KDM8: variants seen among roughly 807,000 people sequenced by gnomAD.
KDM8 encodes lysine demethylase 8.
A neutral mutation model predicts 46.9 loss-of-function variants in KDM8; 35 were observed. The ratio of observed to expected loss-of-function variants is 0.75; its 90% confidence interval spans 0.57 to 0.99. KDM8 has a LOEUF of 0.99. Among genes scored for constraint, KDM8 ranks in the 50% least tolerant of loss-of-function variants. The probability of loss-of-function intolerance (pLI) is 0.00; values close to 1 mark genes in which losing one functional copy is unlikely to be tolerated. For missense variants in KDM8, 475 were observed against 537.0 expected (o/e 0.88, Z 1.14); for synonymous variants, 232 against 227.7 (o/e 1.02, Z -0.17).
Position 27,220,461 on chromosome 16 carries a change from G to C in KDM8, c.1062G>C (p.Thr354=). 1.2e-6 allele frequency: 2 copies of C among 1,614,112 alleles called. No individual in the cohort carries two copies. Among genetic ancestry groups the C allele is most frequent in the South Asian group, 1.1e-5 (1 of 91,074 alleles). Residue 354 remains threonine, a synonymous_variant, in exon 7 of 8, where the codon ACG becomes ACC. Transcript: ENST00000286096. ...QESGALYPHD[T]HLLHNTSQVD... Reference sequence around the variant, plus strand: ...CAGGGGCTCTGTACCCTCATGACACGCACCTTCTCCATAACACGAGCCAGG... The same window carrying C: ...CAGGGGCTCTGTACCCTCATGACACCCACCTTCTCCATAACACGAGCCAGG...
intron 2 of KDM8, chr16:27,211,296 G>C (rs1005411520): frequency 1.6e-5 from 7 of 426,616 alleles, no homozygotes; most frequent in Non-Finnish European, 3.3e-5. Flanking sequence ...CCCAGGCGAG[G>C]CGATACCTCC....
chr16:27,214,027 T>C, intron 3 of KDM8: 1 of 317,426 alleles, frequency 3.2e-6, no homozygotes, highest in Non-Finnish European at 5.8e-6. Context: ...TGTTATGCAA[T>C]TTTACAGGAT....
In KDM8 at chr16:27,220,493, C is replaced by T; in HGVS notation, c.1086+8C>T. On this transcript the variant is annotated splice_region_variant and intron_variant, in intron 7 of 7. Coordinates refer to ENST00000286096, the MANE Select transcript of KDM8 (RefSeq NM_024773.3). Reference sequence around the variant, plus strand: ...CTCCATAACACGAGCCAGGTGGGCACTGGGGGTCTGGGGTGACGTTGCAGG... The same window carrying T: ...CTCCATAACACGAGCCAGGTGGGCATTGGGGGTCTGGGGTGACGTTGCAGG... 3 of 1,614,016 alleles carry T rather than the reference C, an allele frequency of 1.9e-6. No homozygotes were observed. The highest frequency in any genetic ancestry group is 2.5e-6 in the Non-Finnish European group (3 of 1,179,882).
intron 1 of KDM8, chr16:27,204,119 G>C: frequency 6.5e-7 from 1 of 1,546,214 alleles, no homozygotes. Context: ...GCAGCCCCGG[G>C]GAAGGCGCTG....
At chr16:27,204,114 C>T in intron 1 of KDM8, 2 of 1,546,522 alleles carry the variant, frequency 1.3e-6, no homozygotes, top group Non-Finnish European at 1.7e-6. Context: ...GAAATGCAGC[C>T]CCGGGGAAGG....
intron 4 of KDM8, 74 bp downstream of exon 4, chr16:27,215,082 C>T (rs1423104084): frequency 1.9e-6 from 3 of 1,553,092 alleles, no homozygotes; most frequent in African/African-American, 2.7e-5. Context: ...AATAACCCCC[C>T]ATGTGTTGTA....
In KDM8 at chr16:27,221,070, G is replaced by C. The variant is rs2083619609; in HGVS notation, c.*340G>C. Reference sequence around the variant, plus strand: ...GGTCACACAGGCAGGGGTGAAACATGGGCTCTGAGGTTGGCTACCTGATTC... The same window carrying C: ...GGTCACACAGGCAGGGGTGAAACATCGGCTCTGAGGTTGGCTACCTGATTC... On this transcript the variant is annotated 3_prime_UTR_variant, in exon 8 of 8. Transcript: ENST00000286096. The C allele has an allele frequency of 1.0e-5, 4 of 382,080 alleles. No homozygotes were observed. The highest frequency in any genetic ancestry group is 8.5e-5 in the South Asian group (4 of 47,180). The allele number at this position is 382,080 out of a possible 1,614,324, so 23.7% of individuals were successfully genotyped here.
intron 2 of KDM8, among the ~76,000 whole-genome samples, chr16:27,212,488 C>T (rs939714236): frequency 2.6e-5 from 4 of 152,322 alleles, no homozygotes; most frequent in South Asian, 2.1e-4. Context: ...AATCCCAGCA[C>T]TTTGGGAGGC....
At position 27,220,773 on chromosome 16, in the gene KDM8, A is replaced by C; in HGVS notation, c.*43A>C. On this transcript the variant is annotated 3_prime_UTR_variant, in exon 8 of 8. Coordinates refer to ENST00000286096, the MANE Select transcript of KDM8 (RefSeq NM_024773.3). ...AGGGCCTGACATGCAGACAGCATTC[A>C]TCTGTTCACTAATTTCCTGGGTCCT... 2.5e-6 allele frequency: 4 copies of C among 1,604,056 alleles called. No individual in the cohort carries two copies. The highest frequency in any genetic ancestry group is 3.4e-6 in the Non-Finnish European group (4 of 1,170,882).
rs989706325 is a variant in KDM8, at chr16:27,213,825, G to A, written c.665+74G>A. 37 of 1,480,202 alleles carry A rather than the reference G, an allele frequency of 2.5e-5. No homozygotes were observed. The African/African-American group carries it at 3.2e-4, about 13-fold the overall frequency. 91.7% of individuals were successfully genotyped at this position (1,480,202 alleles called of 1,614,324 possible). On this transcript the variant is annotated intron_variant, in intron 3 of 7. Coordinates refer to ENST00000286096, the MANE Select transcript of KDM8 (RefSeq NM_024773.3). ...CCCCAGGGCTCCCTGAATTCCTCCC[G>A]ACCATCCCCAGGGAAATGCAACCTT...
At chr16:27,208,122 G>A (rs2083444203) in intron 1 of KDM8, among the ~76,000 whole-genome samples, 2 of 152,216 alleles carry the variant, frequency 1.3e-5, no homozygotes, top group South Asian at 4.1e-4. Context: ...AGATAGTTTT[G>A]TACAGCCAAC....
Position 27,210,374 on chromosome 16 carries a change from G to A in KDM8, c.251G>A (p.Trp84Ter), listed in dbSNP as rs756471893. The A allele has an allele frequency of 1.9e-6, 3 of 1,613,400 alleles. No homozygotes were observed. The highest frequency in any genetic ancestry group is 2.7e-5 in the African/African-American group (2 of 75,072). ...YSWEKLNTGT[W>*]QDVDKDWRRV... ...TGGGAGAAGCTCAACACGGGCACAT[G>A]GCAGGACGTAGACAAAGACTGGCGC... The change falls in exon 2 of 8, where the codon TGG becomes TAG. Residue 84 changes from tryptophan to a stop codon, truncating the protein, a stop_gained. Coordinates refer to ENST00000286096, the MANE Select transcript of KDM8 (RefSeq NM_024773.3). LOFTEE classifies it high-confidence loss of function.
At chr16:27,209,950 G>A (rs2083464106) in intron 1 of KDM8, 143 bp from the exon 2 acceptor site, 1 of 819,346 alleles carries the variant, frequency 1.2e-6, no homozygotes, top group South Asian at 1.7e-5. Flanking sequence ...AGACAGATGA[G>A]GGCCCTCCCC....
At chr16:27,211,161 CAG>C (rs1210858286) in intron 2 of KDM8, 7 of 452,094 alleles carry the variant, frequency 1.5e-5, no homozygotes, top group Non-Finnish European at 3.1e-5. Flanking sequence ...GCCCTTTCAG[CAG>C]AGAGGCAGCA....
Position 27,220,567 on chromosome 16 carries a change from T to G in KDM8, c.1088T>G (p.Val363Gly). Reference sequence around the variant, plus strand: ...GATGACGTCCTTTGCTTTCTTCAGGTTGACGTGGAGAATCCCGACCTGGAA... The same window carrying G: ...GATGACGTCCTTTGCTTTCTTCAGGGTGACGTGGAGAATCCCGACCTGGAA... ...DTHLLHNTSQ[V>G]DVENPDLEKF... The change falls in exon 8 of 8, where the codon GTT becomes GGT. Residue 363 changes from valine (V) to glycine (G), a missense_variant and splice_region_variant. Val to Gly is a moderately radical substitution (Grantham distance 109). Transcript: ENST00000286096. 6.2e-7 allele frequency: 1 copy of G among 1,614,184 alleles called. No individual in the cohort carries two copies. The highest frequency in any genetic ancestry group is 8.5e-7 in the Non-Finnish European group (1 of 1,180,036).
intron 1 of KDM8, chr16:27,204,401 C>G (rs1398368784): frequency 1.7e-6 from 2 of 1,199,790 alleles, no homozygotes; most frequent in Non-Finnish European, 2.1e-6. Flanking sequence ...CCAAAGGGAT[C>G]CCTGTGCCAT....
Position 27,213,591 on chromosome 16 carries a change from A to G in KDM8, c.505A>G (p.Arg169Gly). Residue 169 changes from arginine (R) to glycine (G), a missense_variant, in exon 3 of 8, where the codon AGG (arginine) becomes GGG (glycine). Transcript: ENST00000286096. ...LPEQPCTKKA[R>G]ADHGLIPDVK... ...CTGTTTTGATTTTAAACAGAAAGCA[A>G]GGGCGGACCATGGTTTGATTCCAGA... 1.2e-6 allele frequency: 2 copies of G among 1,613,918 alleles called. No homozygotes were observed. Among genetic ancestry groups the G allele is most frequent in the Non-Finnish European group, 1.7e-6 (2 of 1,179,928 alleles).
chr16:27,211,971 A>G (rs1013775036), intron 2 of KDM8, among the ~76,000 whole-genome samples: 2 of 152,212 alleles, frequency 1.3e-5, no homozygotes, highest in Admixed American at 1.3e-4. Flanking sequence ...TTATTTTTAT[A>G]TAAGAAAAAT....
At chr16:27,209,992 T>C in intron 1 of KDM8, 101 bp from the exon 2 acceptor site, 1 of 1,241,912 alleles carries the variant, frequency 8.1e-7, no homozygotes, top group East Asian at 2.3e-5. Context: ...AGAAGACTGC[T>C]GTTGAAAAAT....
Sources: gnomAD v4.1 joint callset for allele counts (sites outside exome capture counted in the v4.1 genomes callset) on GRCh38, gnomAD v4.1.1 for gene constraint, MANE v1.5 for transcripts, NCBI Gene and HGNC (gene_info 2026-07-23, HGNC 2026-07-21) for gene names.